Variants in ATP13A5 observed in about 807,000 individuals in gnomAD.
ATP13A5 encodes probable cation-transporting ATPase 13A5.
In ATP13A5, 149 loss-of-function variants were observed where a neutral mutation model predicts 150.2. The ratio of observed to expected loss-of-function variants is 0.99; its 90% CI spans 0.87 to 1.14. ATP13A5 has a LOEUF of 1.14. ATP13A5 is among the 50% of genes most tolerant of loss of function. ATP13A5 has a pLI of 0.00. For synonymous variants in ATP13A5, 497 were observed against 522.2 expected (o/e 0.95, Z 0.66); for missense variants, 1,383 against 1,449.3 (o/e 0.95, Z 0.74).
intron 21 of ATP13A5, 91 bp downstream of exon 21, chr3:193,310,547 A>G: frequency 9.9e-7 from 1 of 1,014,018 alleles, no homozygotes; most frequent in Non-Finnish European, 1.4e-6. Flanking sequence ...TTGACTTTTT[A>G]ATAATAGCCA....
intron 11 of ATP13A5, 104 bp downstream of exon 11, chr3:193,333,646 T>A: frequency 8.5e-7 from 1 of 1,173,348 alleles, no homozygotes; most frequent in Non-Finnish European, 1.2e-6. Context: ...CAGTAATGAT[T>A]CACAGAATGA....
intron 13 of ATP13A5, among the ~76,000 whole-genome samples, chr3:193,325,401 T>G (rs1193624303): frequency 6.6e-6 from 1 of 152,236 alleles, no homozygotes; most frequent in East Asian, 1.9e-4. Context: ...TTGAGTTGGA[T>G]ATGAATTTTG....
intron 11 of ATP13A5, among the ~76,000 whole-genome samples, chr3:193,333,195 G>A (rs1466089654): frequency 1.4e-5 from 2 of 146,762 alleles, no homozygotes; most frequent in African/African-American, 5.2e-5. Flanking sequence ...ACACACACAC[G>A]CTCATTGATG....
At chr3:193,344,539 A>C (rs1427475756) in intron 8 of ATP13A5, among the ~76,000 whole-genome samples, 1 of 152,192 alleles carries the variant, frequency 6.6e-6, no homozygotes, top group Non-Finnish European at 1.5e-5. Context: ...CCAGACAGCT[A>C]TCTAAAAGCC....
chr3:193,346,669 A>G lies in ATP13A5; in HGVS notation c.742-1594T>C, dbSNP rs147074900. The stretch of plus-strand genomic sequence containing the variant: ...TAATGTTACAAATGTCACCAGGCTA[A>G]GACAAGCATTACACATAATTAGGCA... On this transcript the variant is annotated intron_variant, in intron 7 of 29. Coordinates refer to ENST00000342358, the MANE Select transcript of ATP13A5 (RefSeq NM_198505.4). 7.9e-3 allele frequency among the ~76,000 whole-genome samples: 1,196 copies of G among 152,314 alleles called. 19 individuals carry two copies. Among genetic ancestry groups the G allele is most frequent in the African/African-American group, 0.027 (1,114 of 41,566 alleles).
chr3:193,370,451 T>A (rs572200492), intron 1 of ATP13A5, among the ~76,000 whole-genome samples: 1 of 152,318 alleles, frequency 6.6e-6, no homozygotes, highest in Non-Finnish European at 1.5e-5. Flanking sequence ...GTAAAATGCA[T>A]CAGAAGTAGT....
chr3:193,376,935 C>T (rs1488401290), intron 1 of ATP13A5, among the ~76,000 whole-genome samples: 1 of 152,158 alleles, frequency 6.6e-6, no homozygotes, highest in East Asian at 1.9e-4. Context: ...AGAGCCATCT[C>T]CCCTTCCCCA....
At chr3:193,333,141 A>T (rs377173215) in intron 11 of ATP13A5, among the ~76,000 whole-genome samples, 76 of 146,794 alleles carry the variant, frequency 5.2e-4, no homozygotes, top group Middle Eastern at 3.4e-3. Context: ...TCTCTCTCTC[A>T]CACACACACA....
intron 1 of ATP13A5, among the ~76,000 whole-genome samples, chr3:193,369,558 A>G (rs1204259776): frequency 6.6e-6 from 1 of 152,178 alleles, no homozygotes; most frequent in Non-Finnish European, 1.5e-5. Flanking sequence ...TTTTTTCTGA[A>G]TATTTACACG....
At chr3:193,324,805 C>T (rs1003015485) in intron 14 of ATP13A5, 59 bp downstream of exon 14, 1 of 1,567,424 alleles carries the variant, frequency 6.4e-7, no homozygotes, top group South Asian at 1.2e-5. Context: ...AGAAAAGCTT[C>T]AGCACTCCCA....
chr3:193,310,252 CT>C (rs1228662612), intron 21 of ATP13A5, among the ~76,000 whole-genome samples: 1 of 152,130 alleles, frequency 6.6e-6, no homozygotes, highest in East Asian at 1.9e-4. Flanking sequence ...ACCACATTTT[CT>C]TTGTCCAATC....
chr3:193,317,829 T>C (rs1719105536), intron 17 of ATP13A5, among the ~76,000 whole-genome samples: 1 of 152,212 alleles, frequency 6.6e-6, no homozygotes, highest in South Asian at 2.1e-4. Context: ...TAGTGGCTCT[T>C]ACATGAGAAC....
chr3:193,377,967 T>C (rs1354599933), intron 1 of ATP13A5, among the ~76,000 whole-genome samples: 1 of 152,202 alleles, frequency 6.6e-6, no homozygotes, highest in East Asian at 1.9e-4. Context: ...TTAAATAGGA[T>C]TAGTTCTTTC....
In ATP13A5 at chr3:193,310,680, G is replaced by C; in HGVS notation, c.2483C>G (p.Pro828Arg). The C allele has an allele frequency of 6.2e-7, 1 of 1,610,022 alleles. No individual in the cohort carries two copies. The highest frequency in any genetic ancestry group is 1.1e-5 in the South Asian group (1 of 89,732). Residue 828 changes from proline (P) to arginine (R), a missense_variant, in exon 21 of 30, where the codon CCT becomes CGT. Physicochemically the swap from Pro to Arg is moderately radical, Grantham distance 103. Coordinates refer to ENST00000342358, the MANE Select transcript of ATP13A5 (RefSeq NM_198505.4). ...TTCAATAAGGCTTGATTTCTGCCCA[G>C]GAGACATTCTTGCAAAAACTGTTCC... ...VNGTVFARMS[P>R]GQKSSLIEEF...
At chr3:193,358,119 AT>A (rs5855483) in intron 5 of ATP13A5, among the ~76,000 whole-genome samples, 59,263 of 151,936 alleles carry the variant, frequency 0.39, 12,070 homozygotes, top group East Asian at 0.56. Flanking sequence ...AACTACACCT[AT>A]TTTTTGCTCA....
rs1713146911 is a variant in ATP13A5, at chr3:193,364,105, A to G, written c.237+2T>C. The G allele has an allele frequency of 1.2e-6, 2 of 1,613,864 alleles. No individual in the cohort carries two copies. Among genetic ancestry groups the G allele is most frequent in the Non-Finnish European group, 1.7e-6 (2 of 1,179,858 alleles). Reference sequence around the variant, plus strand: ...CAAAATAGAAAACAGAAAGGCACGCACTGTTGTCCTCAGCAAAACAGTGTC... The same window carrying G: ...CAAAATAGAAAACAGAAAGGCACGCGCTGTTGTCCTCAGCAAAACAGTGTC... On this transcript the variant is annotated splice_donor_variant, in intron 2 of 29. Transcript: ENST00000342358. LOFTEE classifies it high-confidence loss of function.
chr3:193,331,138 G>A lies in ATP13A5; in HGVS notation c.1446C>T (p.Leu482=), dbSNP rs1309813514. 24 of 1,613,832 alleles carry A rather than the reference G, an allele frequency of 1.5e-5. No individual in the cohort carries two copies. Among genetic ancestry groups the A allele is most frequent in the South Asian group, 2.2e-5 (2 of 91,018 alleles). ...TGGATCATACTTTGTCAAAGCACAC[G>A]AGGTTTATTTGCCCACACATGTTGA... ...QRINMCGQIN[L]VCFDKTGTLT... is the part of the protein sequence containing the mutation. Residue 482 remains leucine (L), a synonymous_variant, in exon 12 of 30, where the codon CTC becomes CTT. Transcript: ENST00000342358.
intron 25 of ATP13A5, among the ~76,000 whole-genome samples, chr3:193,296,671 C>CT (rs932330843): frequency 2.1e-4 from 32 of 151,108 alleles, no homozygotes; most frequent in East Asian, 5.8e-4. Context: ...TATTCGTGCT[C>CT]TTTTTTTTTG....
chr3:193,287,692 G>A (rs138730985), intron 26 of ATP13A5, among the ~76,000 whole-genome samples: 138 of 152,204 alleles, frequency 9.1e-4, no homozygotes, highest in African/African-American at 2.8e-3. Flanking sequence ...TAATGTTTTC[G>A]TGCCTGCTAA....
Sources: gnomAD v4.1 joint callset for allele counts (sites outside exome capture counted in the v4.1 genomes callset) on GRCh38, gnomAD v4.1.1 for gene constraint, MANE v1.5 for transcripts, NCBI Gene and HGNC (gene_info 2026-07-23, HGNC 2026-07-21) for gene names.